The following HGSNAT variants were observed in gnomAD, a reference collection of about 807,000 sequenced individuals.
HGSNAT encodes heparan-alpha-glucosaminide N-acetyltransferase.
A neutral mutation model predicts 85.2 loss-of-function variants in HGSNAT; 59 were observed. The observed-to-expected ratio is 0.69, with a 90% confidence interval of 0.56 to 0.86. HGSNAT has a LOEUF of 0.86. Ranked by LOEUF, HGSNAT falls within the 40% of genes least tolerant of loss-of-function variation. The pLI, the probability that HGSNAT is intolerant of heterozygous loss-of-function variation, is 0.00. For missense variants in HGSNAT, 756 were observed against 777.1 expected (o/e 0.97, Z 0.32); for synonymous variants, 321 against 304.5 (o/e 1.05, Z -0.56).
intron 6 of HGSNAT, among the ~76,000 whole-genome samples, chr8:43,169,984 C>T (rs1803561964): frequency 6.6e-6 from 1 of 151,852 alleles, no homozygotes; most frequent in African/African-American, 2.4e-5. Flanking sequence ...CTCCACCTGG[C>T]TAATTTTTGT....
intron 11 of HGSNAT, among the ~76,000 whole-genome samples, chr8:43,185,031 T>C (rs1246501362): frequency 2.6e-5 from 4 of 152,240 alleles, no homozygotes; most frequent in Non-Finnish European, 5.9e-5. Context: ...GCTGTTTTGG[T>C]TACTGTAGCC....
chr8:43,165,014 C>A (rs1372434264), intron 5 of HGSNAT, among the ~76,000 whole-genome samples: 4 of 148,440 alleles, frequency 2.7e-5, no homozygotes, highest in Non-Finnish European at 5.9e-5. Flanking sequence ...TCCCAAGTAG[C>A]TGGGACTAGA....
Position 43,173,757 on chromosome 8 carries a change from C to G in HGSNAT, c.851+14C>G, listed in dbSNP as rs2130754963. On this transcript the variant is annotated intron_variant, in intron 9 of 17. Transcript: ENST00000379644. ...CGTGTTCCCGTGGTGAGTTGCCGGT[C>G]TGCCCTCTTCTCTTCCACGGGTTGA... 6.2e-7 allele frequency: 1 copy of G among 1,610,372 alleles called. No individual in the cohort carries two copies. Among genetic ancestry groups the G allele is most frequent in the Non-Finnish European group, 8.5e-7 (1 of 1,178,242 alleles).
intron 10 of HGSNAT, chr8:43,180,720 G>C: frequency 9.4e-6 from 3 of 317,694 alleles, no homozygotes; most frequent in South Asian, 2.3e-5. Flanking sequence ...CTGCAATCTC[G>C]GCTCTCCGGG....
chr8:43,160,178 A>G (rs1803226814), intron 4 of HGSNAT, among the ~76,000 whole-genome samples: 1 of 152,252 alleles, frequency 6.6e-6, no homozygotes, highest in South Asian at 2.1e-4. Flanking sequence ...TAAAATTGTC[A>G]GTTGAAAGGA....
chr8:43,170,481 A>AAAAACAAAAC (rs536945546), intron 6 of HGSNAT, 104 bp from the exon 7 acceptor site: 1 of 1,119,410 alleles, frequency 8.9e-7, no homozygotes, highest in African/African-American at 1.6e-5. Context: ...CTCTGTCTCA[A>AAAAACAAAAC]AAAACAAAAC....
rs376344391 is a variant in HGSNAT at position 43,147,047 on chromosome 8, C to T, written c.218C>T (p.Ser73Phe). 1 of 1,597,608 alleles carries T rather than the reference C, an allele frequency of 6.3e-7. No homozygotes were observed. The highest frequency in any genetic ancestry group is 8.5e-7 in the Non-Finnish European group (1 of 1,171,754). The change falls in exon 2 of 18, where the codon TCT becomes TTT. Residue 73 changes from serine to phenylalanine, a missense_variant. Physicochemically the swap from Ser to Phe is radical, Grantham distance 155 (BLOSUM62 -2). Transcript: ENST00000379644. ...LWTNLTVYWK[S>F]ECCYHCLFQV... ...ACCAACTTGACCGTCTACTGGAAAT[C>T]TGAATGCTGTTATCACGTATGTATC...
Position 43,140,485 on chromosome 8 carries a change from C to G in HGSNAT, c.-12C>G. 4 of 996,378 alleles carry G rather than the reference C, an allele frequency of 4.0e-6. No individual in the cohort carries two copies. Among genetic ancestry groups the G allele is most frequent in the Non-Finnish European group, 2.4e-6 (2 of 836,320 alleles). 61.7% of individuals were successfully genotyped at this position (996,378 alleles called of 1,614,324 possible). The stretch of plus-strand genomic sequence containing the variant: ...CAGCGGGCAGGCAAGGGCGGCCGAG[C>G]GGGCGGCGGGCATGAGCGGGGCGGG... On this transcript the variant is annotated 5_prime_UTR_variant, in exon 1 of 18. Coordinates refer to ENST00000379644, the MANE Select transcript of HGSNAT (RefSeq NM_152419.3).
At chr8:43,181,986 A>G (rs1369351608) in intron 10 of HGSNAT, 159 bp from the exon 11 acceptor site, 7 of 664,124 alleles carry the variant, frequency 1.1e-5, no homozygotes, top group Non-Finnish European at 1.9e-5. Flanking sequence ...GGCTGAGCCC[A>G]TGTCTCTTGA....
At chr8:43,182,914 CAT>C (rs1190913914) in intron 11 of HGSNAT, among the ~76,000 whole-genome samples, 2 of 152,156 alleles carry the variant, frequency 1.3e-5, no homozygotes, top group Admixed American at 1.3e-4. Flanking sequence ...AAATACACGA[CAT>C]GAGATCTATC....
intron 14 of HGSNAT, chr8:43,194,341 T>C: frequency 1.0e-6 from 1 of 956,134 alleles, no homozygotes; most frequent in Non-Finnish European, 1.2e-6. Flanking sequence ...GAGGCTGCAG[T>C]GAGCCTTGAT....
At chr8:43,182,576 T>C (rs1804168538) in intron 11 of HGSNAT, among the ~76,000 whole-genome samples, 1 of 152,046 alleles carries the variant, frequency 6.6e-6, no homozygotes, top group Admixed American at 6.6e-5. Flanking sequence ...CCTAATTAGC[T>C]GGGACTACAG....
At chr8:43,177,691 G>C (rs1198246646) in intron 9 of HGSNAT, among the ~76,000 whole-genome samples, 1 of 152,160 alleles carries the variant, frequency 6.6e-6, no homozygotes, top group African/African-American at 2.4e-5. Context: ...GCAGAAGGGT[G>C]TATAGAAATG....
At chr8:43,150,862 TAAATA>T (rs1301624003) in intron 2 of HGSNAT, among the ~76,000 whole-genome samples, 4 of 133,802 alleles carry the variant, frequency 3.0e-5, no homozygotes, top group Admixed American at 3.0e-4. Flanking sequence ...AATAAATAAA[TAAATA>T]AAATAAAATT....
intron 2 of HGSNAT, among the ~76,000 whole-genome samples, chr8:43,148,129 C>A (rs1489855572): frequency 6.6e-6 from 1 of 151,842 alleles, no homozygotes; most frequent in Non-Finnish European, 1.5e-5. Flanking sequence ...GTAATCCCAG[C>A]TACTTGGGAG....
rs1448843590 is a variant in HGSNAT, at chr8:43,202,473, G to A, written c.*2904G>A. Reference sequence around the variant, plus strand: ...AAGGGGTAGAGCAGAGGAATGGTCAGGGGGCAACAACCGCTGACAGCTGCA... The same window carrying A: ...AAGGGGTAGAGCAGAGGAATGGTCAAGGGGCAACAACCGCTGACAGCTGCA... On this transcript the variant is annotated 3_prime_UTR_variant, in exon 18 of 18. Coordinates refer to ENST00000379644, the MANE Select transcript of HGSNAT (RefSeq NM_152419.3). 6.6e-5 allele frequency: 10 copies of A among 152,230 alleles called. No homozygotes were observed. The highest frequency in any genetic ancestry group is 2.4e-4 in the African/African-American group (10 of 41,418). The allele number at this position is 152,230 out of a possible 1,614,324, so 9.4% of individuals were successfully genotyped here.
intron 1 of HGSNAT, among the ~76,000 whole-genome samples, chr8:43,142,733 C>T (rs1285945541): frequency 2.0e-5 from 3 of 152,128 alleles, no homozygotes; most frequent in Non-Finnish European, 2.9e-5. Flanking sequence ...TTTAGAGCTT[C>T]CTCAGGTAAT....
intron 2 of HGSNAT, among the ~76,000 whole-genome samples, chr8:43,147,852 G>A (rs548837798): frequency 6.6e-6 from 1 of 152,300 alleles, no homozygotes; most frequent in Admixed American, 6.5e-5. Flanking sequence ...CCACCTGGGA[G>A]ACAGGATCAT....
chr8:43,140,628 T>C lies in HGSNAT; in HGVS notation c.118+14T>C. 1 of 1,186,542 alleles carries C rather than the reference T, an allele frequency of 8.4e-7. No individual in the cohort carries two copies. The highest frequency in any genetic ancestry group is 1.1e-6 in the Non-Finnish European group (1 of 939,158). The allele number at this position is 1,186,542 out of a possible 1,614,324, so 73.5% of individuals were successfully genotyped here. On this transcript the variant is annotated intron_variant, in intron 1 of 17. Coordinates refer to ENST00000379644, the MANE Select transcript of HGSNAT (RefSeq NM_152419.3). Reference sequence around the variant, plus strand: ...CGCCGCCACGAGGTGAGTGCACACCTCCTACCGCCGCCCGGCCGGCTACGA... The same window carrying C: ...CGCCGCCACGAGGTGAGTGCACACCCCCTACCGCCGCCCGGCCGGCTACGA...
Sources: gnomAD v4.1 joint callset for allele counts (sites outside exome capture counted in the v4.1 genomes callset) on GRCh38, gnomAD v4.1.1 for gene constraint, MANE v1.5 for transcripts, NCBI Gene and HGNC (gene_info 2026-07-23, HGNC 2026-07-21) for gene names.